The following TAF1 variants were observed in gnomAD, a reference collection of about 807,000 sequenced individuals.
The protein encoded by TAF1 is TATA-box binding protein associated factor 1, also known as transcription initiation factor TFIID subunit 1.
TAF1 carries 2 observed loss-of-function variants against 138.5 expected under a neutral mutation model. The ratio of observed to expected loss-of-function variants is 0.01; its 90% CI spans 0.01 to 0.05. The LOEUF is 0.05. Among genes scored for constraint, TAF1 ranks in the 10% least tolerant of loss-of-function variants. TAF1 has a pLI of 1.00. For missense variants in TAF1, 709 were observed against 1,478.0 expected (o/e 0.48, Z 8.53); for synonymous variants, 437 against 503.2 (o/e 0.87, Z 1.76).
At chrX:71,454,508 G>C (rs2038195317) in intron 33 of TAF1, among the ~76,000 whole-genome samples, 1 of 110,765 alleles carries the variant, frequency 9.0e-6, no homozygotes, top group South Asian at 3.8e-4. Context: ...TTGAAATCCT[G>C]TTCCCTTGAA....
chrX:71,382,677 A>G lies in TAF1; in HGVS notation c.1665+14A>G. On this transcript the variant is annotated intron_variant, in intron 10 of 37. Coordinates refer to ENST00000423759, the MANE Select transcript of TAF1 (RefSeq NM_004606.5). The stretch of plus-strand genomic sequence containing the variant: ...GAACCACAGCAGGTGTGTGAAGAAA[A>G]AAGGGGCTTGGTGTTTAGAAGAACA... The G allele has an allele frequency of 8.3e-7, 1 of 1,205,971 alleles. No homozygotes were observed. The highest frequency in any genetic ancestry group is 1.1e-6 in the Non-Finnish European group (1 of 893,924).
Position 71,464,550 on chromosome X carries a change from C to G in TAF1, c.*504C>G, listed in dbSNP as rs2038684035. On this transcript the variant is annotated 3_prime_UTR_variant, in exon 38 of 38. Transcript: ENST00000423759. ...CGAAACCGCATCTCTACTAAAAATACAAAAATTAGCCAGGTGTGGTGGCGT... is the reference window on the plus strand; with the variant it reads ...CGAAACCGCATCTCTACTAAAAATAGAAAAATTAGCCAGGTGTGGTGGCGT... The G allele has an allele frequency of 4.0e-6, 1 of 250,945 alleles. No individual in the cohort carries two copies. The highest frequency in any genetic ancestry group is 7.1e-6 in the Non-Finnish European group (1 of 141,453). 20.7% of individuals were successfully genotyped at this position (250,945 alleles called of 1,213,427 possible).
chrX:71,477,694 A>G (rs575161201), intron 13 of TAF1, among the ~76,000 whole-genome samples: 1 of 112,559 alleles, frequency 8.9e-6, no homozygotes, highest in Admixed American at 9.5e-5. Context: ...AACTGTGTTA[A>G]AAAATATAAA....
intron 32 of TAF1, among the ~76,000 whole-genome samples, chrX:71,439,812 A>C (rs989240300): frequency 5.3e-5 from 6 of 112,177 alleles, no homozygotes; most frequent in Non-Finnish European, 1.1e-4. Flanking sequence ...GGAAGTTGCA[A>C]GAAATGGTAC....
intron 3 of TAF1, among the ~76,000 whole-genome samples, chrX:71,372,874 T>C (rs760616714): frequency 1.1e-3 from 119 of 111,609 alleles, no homozygotes; most frequent in African/African-American, 3.6e-3. Flanking sequence ...TACTTTTTTG[T>C]TTGTTTGTTT....
At chrX:71,382,453 T>C in intron 9 of TAF1, 83 bp from the exon 10 acceptor site, 1 of 1,146,527 alleles carries the variant, frequency 8.7e-7, no homozygotes. Context: ...TCCGTCACCT[T>C]AAAGAAGAAA....
At chrX:71,423,819 C>T (rs1038232907) in intron 30 of TAF1, among the ~76,000 whole-genome samples, 155 bp from the exon 31 acceptor site, 5 of 111,662 alleles carry the variant, frequency 4.5e-5, no homozygotes, top group African/African-American at 1.6e-4. Flanking sequence ...TCTATGAACC[C>T]CTTACATTAT....
rs1303949507 is a variant in TAF1 at position 71,503,132 on chromosome X, G to A, written c.1367-25410G>A. The stretch of plus-strand genomic sequence containing the variant: ...CTAAAAATACAAAAATTAGCCGGGT[G>A]TGGTGGTGTGTGCCTGTAATCCCAG... On this transcript the variant is annotated intron_variant and NMD_transcript_variant, in intron 13 of 14. Coordinates refer to the TAF1 transcript ENST00000373775. 3.9e-4 allele frequency among the ~76,000 whole-genome samples: 41 copies of A among 105,888 alleles called. 2 individuals carry two copies. The Admixed American group carries it at 4.2e-3, about 11-fold the overall frequency. 92.0% of individuals were successfully genotyped at this position (105,888 alleles called of 115,157 possible). A position where few individuals can be genotyped will look rare whatever the true frequency, so the allele number is the denominator to read the frequency against.
intron 34 of TAF1, among the ~76,000 whole-genome samples, chrX:71,455,340 A>G (rs1194190335): frequency 8.9e-6 from 1 of 111,921 alleles, no homozygotes; most frequent in Non-Finnish European, 1.9e-5. Flanking sequence ...GAAGAAAGGT[A>G]GTATTAATAA....
intron 32 of TAF1, among the ~76,000 whole-genome samples, chrX:71,452,861 C>G: frequency 8.9e-6 from 1 of 112,406 alleles, no homozygotes; most frequent in Non-Finnish European, 1.9e-5. Context: ...GAGCTGGAGA[C>G]CAGCCCGGCC....
chrX:71,423,755 T>A (rs1420552804), intron 30 of TAF1, among the ~76,000 whole-genome samples: 1 of 112,219 alleles, frequency 8.9e-6, no homozygotes, highest in African/African-American at 3.2e-5. Context: ...ATTTTAATTA[T>A]GACTATACAG....
intron 28 of TAF1, chrX:71,413,794 T>A (rs963118006): frequency 3.6e-5 from 4 of 111,453 alleles, no homozygotes; most frequent in African/African-American, 1.3e-4. Flanking sequence ...CCCATACTCA[T>A]AGATAACCAA....
At chrX:71,377,860 G>A in intron 6 of TAF1, 39 bp downstream of exon 6, 1 of 1,116,386 alleles carries the variant, frequency 9.0e-7, no homozygotes, top group Non-Finnish European at 1.2e-6. Flanking sequence ...GCCTATGAGA[G>A]GAACAAATGA....
At chrX:71,506,208 A>G (rs2039621745) in intron 13 of TAF1, among the ~76,000 whole-genome samples, 1 of 107,221 alleles carries the variant, frequency 9.3e-6, no homozygotes, top group Non-Finnish European at 1.9e-5. Flanking sequence ...CTCAAAATAA[A>G]TAAATAAATA....
intron 13 of TAF1, among the ~76,000 whole-genome samples, chrX:71,490,834 T>C (rs903766916): frequency 9.2e-5 from 10 of 108,696 alleles, no homozygotes; most frequent in Non-Finnish European, 1.3e-4. Flanking sequence ...TTCAAGTGAT[T>C]CTCCTGCCTC....
chrX:71,530,006 T>C (rs2040073779), exon 15 of TAF1: 2 of 181,339 alleles, frequency 1.1e-5, no homozygotes, highest in Admixed American at 1.5e-4. Flanking sequence ...CCTTTTTCAA[T>C]GTACTCATTA....
At chrX:71,509,271 G>C (rs918043261) in intron 13 of TAF1, among the ~76,000 whole-genome samples, 1 of 112,014 alleles carries the variant, frequency 8.9e-6, no homozygotes, top group African/African-American at 3.2e-5. Context: ...AGACTAATAA[G>C]AAGGCTGTTA....
At chrX:71,460,926 C>T (rs2038525165) in intron 37 of TAF1, 123 bp downstream of exon 37, 2 of 972,291 alleles carry the variant, frequency 2.1e-6, no homozygotes, top group Non-Finnish European at 2.8e-6. Flanking sequence ...GGGCCAGGCA[C>T]TGTGCTAGGC....
intron 32 of TAF1, among the ~76,000 whole-genome samples, chrX:71,443,931 G>A (rs890499919): frequency 9.0e-6 from 1 of 111,131 alleles, no homozygotes; most frequent in African/African-American, 3.3e-5. Flanking sequence ...GGCTGGTTTC[G>A]AATGCCTGAA....
Sources: gnomAD v4.1 joint callset for allele counts (sites outside exome capture counted in the v4.1 genomes callset) on GRCh38, gnomAD v4.1.1 for gene constraint, MANE v1.5 for transcripts, NCBI Gene and HGNC (gene_info 2026-07-23, HGNC 2026-07-21) for gene names.